SLC5A6: variants seen among roughly 807,000 people sequenced by gnomAD.
SLC5A6 encodes solute carrier family 5 member 6.
A neutral mutation model predicts 67.9 loss-of-function variants in SLC5A6; 31 were observed. The observed-to-expected ratio is 0.46, with a 90% CI of 0.34 to 0.62. The LOEUF (loss-of-function observed/expected upper bound fraction) is 0.62. Ranked by LOEUF, SLC5A6 falls within the 20% of genes least tolerant of loss-of-function variation. SLC5A6 has a pLI of 0.01. For missense variants in SLC5A6, 673 were observed against 812.8 expected, an observed-to-expected ratio of 0.83 and a Z score of 2.09; for synonymous variants, 343 against 331.0, an observed-to-expected ratio of 1.04 and a Z score of -0.39.
chr2:27,200,320 G>T lies in SLC5A6; in HGVS notation c.*116C>A. 9.6e-7 allele frequency: 1 copy of T among 1,046,380 alleles called. No individual in the cohort carries two copies. Among genetic ancestry groups the T allele is most frequent in the Non-Finnish European group, 1.4e-6 (1 of 734,704 alleles). The allele number at this position is 1,046,380 out of a possible 1,614,324, so 64.8% of individuals were successfully genotyped here. A position where few individuals can be genotyped will look rare whatever the true frequency, so the allele number is the denominator to read the frequency against. ...CTCAGAACAAGGTCCTTTGGTATGAGCTAGATCATCCAGGCCTGTCCCTGC... is the reference window on the plus strand; with the variant it reads ...CTCAGAACAAGGTCCTTTGGTATGATCTAGATCATCCAGGCCTGTCCCTGC... On this transcript the variant is annotated 3_prime_UTR_variant, in exon 17 of 17. Transcript: ENST00000310574.
In SLC5A6 at chr2:27,210,093, G is replaced by A. The variant is rs375085976; in HGVS notation, c.-141+1374C>T. On this transcript the variant is annotated intron_variant, in intron 2 of 16. Transcript: ENST00000310574. ...ACTATAGGGTTAGTGGTTTAGAGAG[G>A]TAGGTGGCCAGAGACAGGAAGGAAA... 9.8e-5 allele frequency among the ~76,000 whole-genome samples: 15 copies of A among 152,344 alleles called. No homozygotes were observed. The East Asian group carries it at 2.3e-3, about 23-fold the overall frequency.
intron 10 of SLC5A6, 36 bp from the exon 11 acceptor site, chr2:27,203,381 G>C: frequency 6.3e-7 from 1 of 1,596,222 alleles, no homozygotes; most frequent in African/African-American, 1.3e-5. Flanking sequence ...GTTGAGCGAG[G>C]CAAAATTGTC....
At chr2:27,210,252 A>T (rs1323440378) in intron 2 of SLC5A6, among the ~76,000 whole-genome samples, 1 of 152,062 alleles carries the variant, frequency 6.6e-6, no homozygotes, top group East Asian at 1.9e-4. Context: ...GACAGGAAAA[A>T]CCTGACCTAG....
chr2:27,201,127 T>C lies in SLC5A6; in HGVS notation c.1649-14A>G, dbSNP rs769191876. ...CTCGCATTCTCCCTGAATGGAAATG[T>C]GCTTCTGAGTCTCTGGGTGGAACCA... On this transcript the variant is annotated splice_polypyrimidine_tract_variant and intron_variant, in intron 15 of 16. Transcript: ENST00000310574. The C allele has an allele frequency of 8.8e-6, 14 of 1,589,310 alleles. No individual in the cohort carries two copies. Among genetic ancestry groups the C allele is most frequent in the Non-Finnish European group, 1.1e-5 (13 of 1,159,738 alleles).
Position 27,204,444 on chromosome 2 carries a change from G to A in SLC5A6, c.1005+17C>T. On this transcript the variant is annotated intron_variant, in intron 9 of 16. Coordinates refer to ENST00000310574, the MANE Select transcript of SLC5A6 (RefSeq NM_021095.4). Reference sequence around the variant, plus strand: ...GGCCAGGCCTGCCCTCATGGGAACAGAACAGCGCCTTCTCACCTGGTCTGG... The same window carrying A: ...GGCCAGGCCTGCCCTCATGGGAACAAAACAGCGCCTTCTCACCTGGTCTGG... The A allele has an allele frequency of 6.2e-7, 1 of 1,608,190 alleles. No individual in the cohort carries two copies.
At chr2:27,203,656 G>A (rs1572387407) in intron 10 of SLC5A6, 123 bp downstream of exon 10, 1 of 741,558 alleles carries the variant, frequency 1.3e-6, no homozygotes. Flanking sequence ...GCACACAGAT[G>A]GGGCAGGCAC....
At position 27,211,542 on chromosome 2, in the gene SLC5A6, G is replaced by C. The variant is rs1674503015; in HGVS notation, c.-207-9C>G. On this transcript the variant is annotated splice_polypyrimidine_tract_variant and intron_variant, in intron 1 of 16. Coordinates refer to ENST00000310574, the MANE Select transcript of SLC5A6 (RefSeq NM_021095.4). ...AACATCGCTCCCTTTTCCTGGGAAG[G>C]CAAAGAAAATGAGTTAGGGAAGCGT... 6.6e-6 allele frequency: 1 copy of C among 152,546 alleles called. No homozygotes were observed. Among genetic ancestry groups the C allele is most frequent in the African/African-American group, 2.4e-5 (1 of 41,468 alleles). 9.4% of individuals were successfully genotyped at this position (152,546 alleles called of 1,614,324 possible). A position where few individuals can be genotyped will look rare whatever the true frequency, so the allele number is the denominator to read the frequency against.
Position 27,205,469 on chromosome 2 carries a change from G to A in SLC5A6, c.615C>T (p.Phe205=). The stretch of plus-strand genomic sequence containing the variant: ...GCCCGAGGAACATGACCAGTGTCTG[G>A]AACACATCTGTCCAGATGACGGCCT... The part of the protein sequence containing the change: ...GLKAVIWTDV[F]QTLVMFLGQL... The change falls in exon 7 of 17, where the codon TTC becomes TTT. Residue 205 remains phenylalanine, a synonymous_variant. Transcript: ENST00000310574. 6.2e-7 allele frequency: 1 copy of A among 1,614,208 alleles called. No homozygotes were observed. Among genetic ancestry groups the A allele is most frequent in the Non-Finnish European group, 8.5e-7 (1 of 1,180,040 alleles).
In SLC5A6 at chr2:27,212,124, C is replaced by T. The variant is rs1160099292; in HGVS notation, c.-312G>A. 1.3e-6 allele frequency: 2 copies of T among 1,502,028 alleles called. No individual in the cohort carries two copies. The highest frequency in any genetic ancestry group is 1.8e-6 in the Non-Finnish European group (2 of 1,130,128). The allele number at this position is 1,502,028 out of a possible 1,614,324, so 93.0% of individuals were successfully genotyped here. A position where few individuals can be genotyped will look rare whatever the true frequency, so the allele number is the denominator to read the frequency against. ...GTCTGCAGTCGGCTCCGGGAAGCCG[C>T]GCGGCGACGGGGGAGGCCTTCACTA... On this transcript the variant is annotated 5_prime_UTR_variant, in exon 1 of 17. Transcript: ENST00000310574.
intron 2 of SLC5A6, among the ~76,000 whole-genome samples, chr2:27,210,996 C>A (rs1338500553): frequency 6.6e-6 from 1 of 152,112 alleles, no homozygotes; most frequent in Non-Finnish European, 1.5e-5. Flanking sequence ...TGCACTCCAG[C>A]CTGGGCGACA....
Position 27,203,932 on chromosome 2 carries a change from G to A in SLC5A6, c.1006-65C>T, listed in dbSNP as rs907017380. On this transcript the variant is annotated intron_variant, in intron 9 of 16. Coordinates refer to ENST00000310574, the MANE Select transcript of SLC5A6 (RefSeq NM_021095.4). ...GGGTCTTCCCAGGGCCGGCTCTGCA[G>A]GGAAGCTCCCTTTACATGTGCCCCA... 34 of 1,224,840 alleles carry A rather than the reference G, an allele frequency of 2.8e-5. No individual in the cohort carries two copies. The Admixed American group carries it at 6.1e-4, about 22-fold the overall frequency. The allele number at this position is 1,224,840 out of a possible 1,614,324, so 75.9% of individuals were successfully genotyped here.
Position 27,200,411 on chromosome 2 carries a change from A to G in SLC5A6, c.*25T>C, listed in dbSNP as rs41288803. 3,901 of 1,596,250 alleles carry G rather than the reference A, an allele frequency of 2.4e-3. 15 individuals are homozygous for G. Among genetic ancestry groups the G allele is most frequent in the Middle Eastern group, 0.019 (113 of 5,966 alleles). ...CTGGCTATGGCCTGGCACAGTGAGGACAGAGGCGGGGTCCTGAGTCAACAT... is the reference window on the plus strand; with the variant it reads ...CTGGCTATGGCCTGGCACAGTGAGGGCAGAGGCGGGGTCCTGAGTCAACAT... On this transcript the variant is annotated 3_prime_UTR_variant, in exon 17 of 17. Transcript: ENST00000310574.
chr2:27,204,859 G>A lies in SLC5A6; in HGVS notation c.807C>T (p.Ser269=), dbSNP rs1381462576. ...LAFGGVFMML[S]LYGVNQAQVQ... is the part of the protein sequence containing the mutation. ...CCTGAGCCTGGTTCACCCCGTATAA[G>A]GAGAGCATCATGAAGACACCCCCGA... is the stretch of plus-strand genomic sequence containing the variant. The change falls in exon 8 of 17, where the codon TCC becomes TCT. Residue 269 remains serine (S), a synonymous_variant. Coordinates refer to ENST00000310574, the MANE Select transcript of SLC5A6 (RefSeq NM_021095.4). The A allele has an allele frequency of 8.1e-6, 13 of 1,614,044 alleles. No individual in the cohort carries two copies. Among genetic ancestry groups the A allele is most frequent in the African/African-American group, 5.3e-5 (4 of 74,906 alleles).
Position 27,200,381 on chromosome 2 carries a change from G to A in SLC5A6, c.*55C>T. The A allele has an allele frequency of 6.5e-7, 1 of 1,548,820 alleles. No homozygotes were observed. The highest frequency in any genetic ancestry group is 1.2e-5 in the South Asian group (1 of 80,894). ...AAGACTCATCCCTGTACTACAGGGT[G>A]GCCTCTGGCTATGGCCTGGCACAGT... On this transcript the variant is annotated 3_prime_UTR_variant, in exon 17 of 17. Transcript: ENST00000310574.
Position 27,206,042 on chromosome 2 carries a change from G to C in SLC5A6, c.563C>G (p.Thr188Ser), listed in dbSNP as rs750471863. 1 of 1,613,806 alleles carries C rather than the reference G, an allele frequency of 6.2e-7. No individual in the cohort carries two copies. The highest frequency in any genetic ancestry group is 8.5e-7 in the Non-Finnish European group (1 of 1,179,800). The change falls in exon 6 of 17, where the codon ACC becomes AGC. Residue 188 changes from threonine to serine, a missense_variant. By Grantham distance (58) the Thr-to-Ser change is moderately conservative (BLOSUM62 1). Coordinates refer to ENST00000310574, the MANE Select transcript of SLC5A6 (RefSeq NM_021095.4). ...LSVLALGIVC[T>S]VYTALGGLKA... Reference sequence around the variant, plus strand: ...TGCACTTACCAGAGCTGTATAGACGGTACAGACAATGCCCAGGGCCAGCAC... The same window carrying C: ...TGCACTTACCAGAGCTGTATAGACGCTACAGACAATGCCCAGGGCCAGCAC...
At chr2:27,208,795 G>C (rs1429729894) in intron 2 of SLC5A6, 2 of 152,554 alleles carry the variant, frequency 1.3e-5, no homozygotes, top group African/African-American at 4.8e-5. Context: ...TCACCCTATG[G>C]CCCCCAAACT....
At chr2:27,202,436 G>A (rs1673715687) in intron 12 of SLC5A6, among the ~76,000 whole-genome samples, 1 of 132,296 alleles carries the variant, frequency 7.6e-6, no homozygotes, top group Non-Finnish European at 1.6e-5. Flanking sequence ...TGTGGGAGGT[G>A]GAGGTTGCAG....
chr2:27,212,083 A>C lies in SLC5A6; in HGVS notation c.-271T>G. ...CGACCTCGGCGTCCGGACGCGGGGA[A>C]CACCGGGCTGAGGGAGTCTGCAGTC... On this transcript the variant is annotated 5_prime_UTR_variant, in exon 1 of 17. Transcript: ENST00000310574. The C allele has an allele frequency of 2.3e-6, 3 of 1,324,210 alleles. No homozygotes were observed. Among genetic ancestry groups the C allele is most frequent in the Non-Finnish European group, 3.0e-6 (3 of 991,872 alleles). The allele number at this position is 1,324,210 out of a possible 1,614,324, so 82.0% of individuals were successfully genotyped here. A position where few individuals can be genotyped will look rare whatever the true frequency, so the allele number is the denominator to read the frequency against.
In SLC5A6 at chr2:27,205,395, C is replaced by A; in HGVS notation, c.689G>T (p.Arg230Leu). Residue 230 changes from arginine (R) to leucine (L), a missense_variant, in exon 7 of 17, where the codon CGT becomes CTT. By Grantham distance (102) the Arg-to-Leu change is moderately radical (BLOSUM62 -2). Coordinates refer to ENST00000310574, the MANE Select transcript of SLC5A6 (RefSeq NM_021095.4). ...GTGCTGGGAAGCCACGGCCCACACA[C>A]GCCCCAAGCCGCCCACCTTGGCTGA... ...VGSAKVGGLG[R>L]VWAVASQHGR... The A allele has an allele frequency of 6.2e-7, 1 of 1,614,176 alleles. No homozygotes were observed. The highest frequency in any genetic ancestry group is 8.5e-7 in the Non-Finnish European group (1 of 1,180,030).
Sources: allele counts gnomAD v4.1 joint callset (sites outside exome capture counted in the v4.1 genomes callset), GRCh38; gene constraint gnomAD v4.1.1; transcripts MANE v1.5; gene names NCBI Gene and HGNC (gene_info 2026-07-23, HGNC 2026-07-21).